The following USH1G variants were observed in gnomAD, a reference collection of about 807,000 sequenced individuals.
USH1G encodes the protein pre-mRNA splicing regulator USH1G.
Under a neutral mutation model 31.9 loss-of-function variants are expected in USH1G, and 27 were observed. That is an observed-to-expected ratio of 0.85 (90% CI 0.62 to 1.17). USH1G has a LOEUF of 1.17. Among genes scored for constraint, USH1G ranks in the 50% most tolerant of loss-of-function variants. The pLI is 0.00. For missense variants in USH1G, 674 were observed against 638.9 expected (o/e 1.05, Z -0.59); for synonymous variants, 266 against 283.2 (o/e 0.94, Z 0.61).
rs1394139310 is a variant in USH1G at position 74,916,189 on chromosome 17, A to C, written c.*1884T>G. The C allele has an allele frequency of 6.6e-6, 1 of 152,356 alleles. No individual in the cohort carries two copies. The highest frequency in any genetic ancestry group is 1.5e-5 in the Non-Finnish European group (1 of 68,112). 9.4% of individuals were successfully genotyped at this position (152,356 alleles called of 1,614,324 possible). ...GAGCCTGCTCCACCCCAGCACCAGA[A>C]GAACCAGGAGGGGCTGCGGCAGTAA... On this transcript the variant is annotated 3_prime_UTR_variant, in exon 3 of 3. Transcript: ENST00000614341.
At position 74,919,770 on chromosome 17, in the gene USH1G, T is replaced by C. The variant is rs1023348230; in HGVS notation, c.1066A>G (p.Ser356Gly). 3.1e-6 allele frequency: 5 copies of C among 1,612,780 alleles called. No homozygotes were observed. The African/African-American group carries it at 6.7e-5, about 22-fold the overall frequency. The change falls in exon 2 of 3, where the codon AGC becomes GGC. Residue 356 changes from serine to glycine, a missense_variant. By Grantham distance (56) the Ser-to-Gly change is moderately conservative (BLOSUM62 0). Transcript: ENST00000614341. This position sits in a 1 kb window ranked among gnomAD's most constrained non-coding sequence, Gnocchi z 4.5. ...TGCAGGCTGTTGGCACTGCCCAGGC[T>C]GTCATCGTCCAGGCTGGGGGAGCTC... ...LQSSPSLDDD[S>G]LGSANSLQDR... is the part of the protein sequence containing the mutation.
Position 74,923,228 on chromosome 17 carries a change from C to A in USH1G, c.-155G>T, listed in dbSNP as rs1258187070. On this transcript the variant is annotated 5_prime_UTR_variant, in exon 1 of 3. Transcript: ENST00000614341. The surrounding 1 kb of genome is among the most constrained non-coding windows in gnomAD (Gnocchi z 5.3). The stretch of plus-strand genomic sequence containing the variant: ...GCTGCCGCAGACGGAGGGTGCGGAG[C>A]GCCAGAGCCGCGACTACCAAGACAT... 2.0e-6 allele frequency: 1 copy of A among 510,406 alleles called. No individual in the cohort carries two copies. The highest frequency in any genetic ancestry group is 3.0e-6 in the Non-Finnish European group (1 of 328,776). 31.6% of individuals were successfully genotyped at this position (510,406 alleles called of 1,614,324 possible).
Position 74,921,633 on chromosome 17 carries a change from G to A in USH1G, c.165-962C>T, listed in dbSNP as rs532318006. On this transcript the variant is annotated intron_variant, in intron 1 of 2. Coordinates refer to ENST00000614341, the MANE Select transcript of USH1G (RefSeq NM_173477.5). The surrounding 1 kb of genome is among the most constrained non-coding windows in gnomAD (Gnocchi z 4.6). ...CCTTCCTGGGCCTCCCCTCCTGGCCGCCAAGTCCTGCAGGCCAGTGTGGGA... is the reference window on the plus strand; with the variant it reads ...CCTTCCTGGGCCTCCCCTCCTGGCCACCAAGTCCTGCAGGCCAGTGTGGGA... Among the ~76,000 whole-genome samples, 235 of 152,170 alleles carry A rather than the reference G, an allele frequency of 1.5e-3. 1 individual carries two copies. Among genetic ancestry groups the A allele is most frequent in the Middle Eastern group, 3.4e-3 (1 of 294 alleles).
At chr17:74,922,869 G>A (rs1346198380) in intron 1 of USH1G, 41 bp downstream of exon 1, 2 of 1,528,042 alleles carry the variant, frequency 1.3e-6, no homozygotes, top group Admixed American at 4.0e-5. Flanking sequence ...AGTTTGGGGT[G>A]GTCTCAGGGG....
chr17:74,919,422 C>T lies in USH1G; in HGVS notation c.1382+32G>A. On this transcript the variant is annotated intron_variant, in intron 2 of 2. Coordinates refer to ENST00000614341, the MANE Select transcript of USH1G (RefSeq NM_173477.5). This position sits in a 1 kb window ranked among gnomAD's most constrained non-coding sequence, Gnocchi z 4.5. ...CCCCAGGGGCCTTCCAACTCCTGCT[C>T]CTCCATCCCCCCCGCCAGGCTGGAC... The T allele has an allele frequency of 1.9e-6, 3 of 1,583,924 alleles. No homozygotes were observed. The highest frequency in any genetic ancestry group is 2.6e-6 in the Non-Finnish European group (3 of 1,165,286).
chr17:74,923,236 C>T lies in USH1G; in HGVS notation c.-163G>A. On this transcript the variant is annotated 5_prime_UTR_variant, in exon 1 of 3. Coordinates refer to ENST00000614341, the MANE Select transcript of USH1G (RefSeq NM_173477.5). The surrounding 1 kb of genome is among the most constrained non-coding windows in gnomAD (Gnocchi z 5.3). ...AGACGGAGGGTGCGGAGCGCCAGAG[C>T]CGCGACTACCAAGACATCTGAAACG... The T allele has an allele frequency of 2.2e-6, 1 of 445,308 alleles. No homozygotes were observed. Among genetic ancestry groups the T allele is most frequent in the Non-Finnish European group, 3.7e-6 (1 of 270,024 alleles). 27.6% of individuals were successfully genotyped at this position (445,308 alleles called of 1,614,324 possible).
chr17:74,922,319 A>G (rs113565426), intron 1 of USH1G, among the ~76,000 whole-genome samples: 6,829 of 138,624 alleles, frequency 0.049, 330 homozygotes, highest in African/African-American at 0.14. Context: ...AGCCTCCACC[A>G]TTGCTTAGCT....
In USH1G at chr17:74,920,663, G is replaced by A. The variant is rs1355092762; in HGVS notation, c.173C>T (p.Pro58Leu). The A allele has an allele frequency of 3.1e-6, 5 of 1,613,660 alleles. No individual in the cohort carries two copies. Among genetic ancestry groups the A allele is most frequent in the East Asian group, 2.2e-5 (1 of 44,874 alleles). ...LRLIVSRGGD[P>L]DKCDIWGNTP... ...GTTGCCCCAGATGTCACACTTGTCC[G>A]GGTCACCCCTGCAGGGAAAGCATTC... The change falls in exon 2 of 3, where the codon CCG (proline) becomes CTG (leucine). Residue 58 changes from proline (P) to leucine (L), a missense_variant. Pro to Leu is a moderately conservative substitution (Grantham distance 98, BLOSUM62 -3). Transcript: ENST00000614341. The surrounding 1 kb of genome is among the most constrained non-coding windows in gnomAD (Gnocchi z 5.2).
rs1404493952 is a variant in USH1G at position 74,917,038 on chromosome 17, ATACT to A, written c.*1031_*1034del. On this transcript the variant is annotated 3_prime_UTR_variant, in exon 3 of 3. Transcript: ENST00000614341. ...ACACACCCGTGCTCACACATACCAC[ATACT>A]TACACACACATGCATGCACACACGC... 17 of 152,342 alleles carry A rather than the reference ATACT, an allele frequency of 1.1e-4. No individual in the cohort carries two copies. Among genetic ancestry groups the A allele is most frequent in the African/African-American group, 1.7e-4 (7 of 41,384 alleles). 9.4% of individuals were successfully genotyped at this position (152,342 alleles called of 1,614,324 possible). A position where few individuals can be genotyped will look rare whatever the true frequency, so the allele number is the denominator to read the frequency against.
Position 74,919,907 on chromosome 17 carries a change from G to C in USH1G, c.929C>G (p.Pro310Arg). Residue 310 changes from proline to arginine, a missense_variant, in exon 2 of 3, where the codon CCC (proline) becomes CGC (arginine). Transcript: ENST00000614341. The surrounding 1 kb of genome is among the most constrained non-coding windows in gnomAD (Gnocchi z 4.5). ...DSGHDSLFTR[P>R]GLGTMVFRRN... is the part of the protein sequence containing the mutation. ...GCGGAACACCATGGTGCCCAGGCCG[G>C]GGCGGGTAAACAGGGAGTCGTGGCC... 6.2e-7 allele frequency: 1 copy of C among 1,613,236 alleles called. No individual in the cohort carries two copies. The highest frequency in any genetic ancestry group is 8.5e-7 in the Non-Finnish European group (1 of 1,179,898).
rs1229000897 is a variant in USH1G, at chr17:74,917,988, G to C, written c.*85C>G. ...TTGCTCCTGGGGAAGGGGGCTGCAG[G>C]GCTGGCAACTGTGAGGACCTCGAGA... On this transcript the variant is annotated 3_prime_UTR_variant, in exon 3 of 3. Coordinates refer to ENST00000614341, the MANE Select transcript of USH1G (RefSeq NM_173477.5). 11 of 1,577,974 alleles carry C rather than the reference G, an allele frequency of 7.0e-6. No homozygotes were observed. The highest frequency in any genetic ancestry group is 1.7e-4 in the Middle Eastern group (1 of 5,968).
rs1305719934 is a variant in USH1G at position 74,920,280 on chromosome 17, G to A, written c.556C>T (p.Leu186=). The A allele has an allele frequency of 1.9e-6, 3 of 1,604,186 alleles. No homozygotes were observed. The highest frequency in any genetic ancestry group is 2.5e-6 in the Non-Finnish European group (3 of 1,179,130). The change falls in exon 2 of 3, where the codon CTG becomes TTG. Residue 186 remains leucine, a synonymous_variant. Coordinates refer to ENST00000614341, the MANE Select transcript of USH1G (RefSeq NM_173477.5). The surrounding 1 kb of genome is among the most constrained non-coding windows in gnomAD (Gnocchi z 5.2). ...LSFSSLTSST[L]SRRLQHLALG... ...GCCAGATGCTGCAGCCGGCGGCTCA[G>A]GGTGCTGGACGTGAGGCTGGAGAAG...
In USH1G at chr17:74,920,422, C is replaced by T. The variant is rs2038928246; in HGVS notation, c.414G>A (p.Lys138=). 2.5e-6 allele frequency: 4 copies of T among 1,613,626 alleles called. No homozygotes were observed. The highest frequency in any genetic ancestry group is 3.4e-6 in the Non-Finnish European group (4 of 1,180,048). Residue 138 remains lysine, a synonymous_variant, in exon 2 of 3, where the codon AAG becomes AAA. Transcript: ENST00000614341. The surrounding 1 kb of genome is among the most constrained non-coding windows in gnomAD (Gnocchi z 5.2). The stretch of plus-strand genomic sequence containing the variant: ...TGCGCCGCTCCGCCTCGCGGAAGGC[C>T]TTGTCCTTCAGCTTACCCACCAGCT... ...NPKLVGKLKD[K]AFREAERRIR...
In USH1G at chr17:74,922,944, T is replaced by G. The variant is rs762948482; in HGVS notation, c.130A>C (p.Asn44His). The change falls in exon 1 of 3, where the codon AAC (asparagine) becomes CAC (histidine). Residue 44 changes from asparagine (N) to histidine (H), a missense_variant. Coordinates refer to ENST00000614341, the MANE Select transcript of USH1G (RefSeq NM_173477.5). ...TPTLWAAYHGNLESLRLIVSR... is the reference protein window; with the variant it reads ...TPTLWAAYHGHLESLRLIVSR... ...ACAATGAGACGCAGCGACTCGAGGT[T>G]GCCATGGTAGGCAGCCCAGAGAGTG... 1 of 1,549,152 alleles carries G rather than the reference T, an allele frequency of 6.5e-7. No homozygotes were observed. Among genetic ancestry groups the G allele is most frequent in the South Asian group, 1.2e-5 (1 of 84,094 alleles).
At chr17:74,922,405 G>C (rs1201530817) in intron 1 of USH1G, among the ~76,000 whole-genome samples, 2 of 152,180 alleles carry the variant, frequency 1.3e-5, no homozygotes, top group South Asian at 4.1e-4. Flanking sequence ...GCCCTGGACA[G>C]TGTCCATAAA....
chr17:74,918,016 C>T lies in USH1G; in HGVS notation c.*57G>A. On this transcript the variant is annotated 3_prime_UTR_variant, in exon 3 of 3. Coordinates refer to ENST00000614341, the MANE Select transcript of USH1G (RefSeq NM_173477.5). This position sits in a 1 kb window ranked among gnomAD's most constrained non-coding sequence, Gnocchi z 4.1. ...TGGCAACTGTGAGGACCTCGAGACC[C>T]CACCATAGGTTGTGGCAACTTGCAA... 1.2e-6 allele frequency: 2 copies of T among 1,613,032 alleles called. No homozygotes were observed. Among genetic ancestry groups the T allele is most frequent in the Non-Finnish European group, 1.7e-6 (2 of 1,179,254 alleles).
Position 74,919,863 on chromosome 17 carries a change from C to T in USH1G, c.973G>A (p.Gly325Arg). 6.2e-7 allele frequency: 1 copy of T among 1,613,224 alleles called. No individual in the cohort carries two copies. Among genetic ancestry groups the T allele is most frequent in the Non-Finnish European group, 8.5e-7 (1 of 1,179,962 alleles). The change falls in exon 2 of 3, where the codon GGG becomes AGG. Residue 325 changes from glycine to arginine, a missense_variant. By Grantham distance (125) the Gly-to-Arg change is moderately radical. Coordinates refer to ENST00000614341, the MANE Select transcript of USH1G (RefSeq NM_173477.5). This position sits in a 1 kb window ranked among gnomAD's most constrained non-coding sequence, Gnocchi z 4.5. The part of the protein sequence containing the change: ...MVFRRNYLSS[G>R]LHGLGREDGG... The stretch of plus-strand genomic sequence containing the variant: ...TCCTCGCGGCCCAGTCCGTGCAGCC[C>T]ACTGCTCAAGTAATTTCTGCGGAAC...
chr17:74,923,173 G>A lies in USH1G; in HGVS notation c.-100C>T. The A allele has an allele frequency of 1.7e-6, 2 of 1,193,432 alleles. No homozygotes were observed. Among genetic ancestry groups the A allele is most frequent in the South Asian group, 1.9e-5 (1 of 53,774 alleles). 73.9% of individuals were successfully genotyped at this position (1,193,432 alleles called of 1,614,324 possible). On this transcript the variant is annotated 5_prime_UTR_variant, in exon 1 of 3. Coordinates refer to ENST00000614341, the MANE Select transcript of USH1G (RefSeq NM_173477.5). The surrounding 1 kb of genome is among the most constrained non-coding windows in gnomAD (Gnocchi z 5.3). ...CTGAGGCATGAGGTTGGAGGACGGG[G>A]CCGGGCAGGGGCCGGGGCCGCCAGC...
rs1237850546 is a variant in USH1G, at chr17:74,918,944, C to A, written c.1382+510G>T. ...GCAGACCAGGGATCAAGCCTAGCTC[C>A]ATGCTGAGCAGCAGCAGGACCTTGA... On this transcript the variant is annotated intron_variant, in intron 2 of 2. Coordinates refer to ENST00000614341, the MANE Select transcript of USH1G (RefSeq NM_173477.5). The surrounding 1 kb of genome is among the most constrained non-coding windows in gnomAD (Gnocchi z 4.1). 6.6e-6 allele frequency among the ~76,000 whole-genome samples: 1 copy of A among 152,234 alleles called. No individual in the cohort carries two copies. Among genetic ancestry groups the A allele is most frequent in the African/African-American group, 2.4e-5 (1 of 41,464 alleles).
Sources: gnomAD v4.1 joint callset for allele counts (sites outside exome capture counted in the v4.1 genomes callset) on GRCh38, gnomAD v4.1.1 for gene constraint, Gnocchi (gnomAD v3.1) non-coding constraint, MANE v1.5 for transcripts, NCBI Gene and HGNC (gene_info 2026-07-23, HGNC 2026-07-21) for gene names.